XYLB: variants seen among roughly 807,000 people sequenced by gnomAD.
The protein encoded by XYLB is xylulose kinase.
In XYLB, 62 loss-of-function variants were observed where a neutral mutation model predicts 78.7. The ratio of observed to expected loss-of-function variants is 0.79; its 90% CI spans 0.64 to 0.97. The LOEUF is 0.97. Ranked by LOEUF, XYLB falls within the 50% of genes least tolerant of loss-of-function variation. XYLB has a pLI of 0.00. For missense variants in XYLB, 687 were observed against 676.8 expected (o/e 1.02, Z -0.17); for synonymous variants, 245 against 247.4 (o/e 0.99, Z 0.09).
At chr3:38,350,952 G>A (rs1705323539) in intron 2 of XYLB, among the ~76,000 whole-genome samples, 2 of 151,722 alleles carry the variant, frequency 1.3e-5, no homozygotes, top group Admixed American at 6.6e-5. Flanking sequence ...GACCAGCCTG[G>A]CCAACATGGT....
intron 18 of XYLB, among the ~76,000 whole-genome samples, chr3:38,411,193 T>G (rs1314139288): frequency 1.3e-5 from 2 of 152,142 alleles, no homozygotes; most frequent in African/African-American, 4.8e-5. Flanking sequence ...TGGAATACTA[T>G]GCAGCCATAA....
At chr3:38,403,966 T>C (rs559900351) in intron 18 of XYLB, among the ~76,000 whole-genome samples, 2 of 152,254 alleles carry the variant, frequency 1.3e-5, no homozygotes, top group African/African-American at 4.8e-5. Context: ...GTGACTTATA[T>C]GCAGACTGAA....
intron 18 of XYLB, among the ~76,000 whole-genome samples, chr3:38,410,634 A>T (rs1466157765): frequency 1.3e-5 from 2 of 152,232 alleles, no homozygotes; most frequent in Non-Finnish European, 2.9e-5. Flanking sequence ...CAATCTACTC[A>T]TCTGACAAAG....
intron 15 of XYLB, among the ~76,000 whole-genome samples, chr3:38,388,372 G>C (rs1559603131): frequency 6.6e-6 from 1 of 152,046 alleles, no homozygotes; most frequent in Non-Finnish European, 1.5e-5. Context: ...ATTGCCAAGA[G>C]ATTTTAGGTG....
chr3:38,346,983 G>T, intron 1 of XYLB, 58 bp downstream of exon 1: 2 of 1,362,790 alleles, frequency 1.5e-6, no homozygotes, highest in South Asian at 1.7e-5. Flanking sequence ...GTGGGGGTAG[G>T]GGGCGGGCTG....
intron 2 of XYLB, among the ~76,000 whole-genome samples, chr3:38,351,339 C>T (rs966748480): frequency 6.6e-6 from 1 of 151,864 alleles, no homozygotes; most frequent in Non-Finnish European, 1.5e-5. Context: ...CTCTCCCTCA[C>T]TCTCTCTTCC....
chr3:38,396,571 A>G (rs1272189346), intron 16 of XYLB, among the ~76,000 whole-genome samples: 2 of 152,152 alleles, frequency 1.3e-5, no homozygotes, highest in Non-Finnish European at 2.9e-5. Context: ...CTACTACAAT[A>G]TCTCTGGTCA....
At chr3:38,369,018 T>C (rs818836) in intron 8 of XYLB, among the ~76,000 whole-genome samples, 135,987 of 152,208 alleles carry the variant, frequency 0.89, 61,340 homozygotes, top group East Asian at 1. Flanking sequence ...CTGCAGGAAC[T>C]CTTGGATGAG....
chr3:38,384,822 G>A (rs1707310834), intron 15 of XYLB, among the ~76,000 whole-genome samples: 1 of 152,146 alleles, frequency 6.6e-6, no homozygotes, highest in South Asian at 2.1e-4. Flanking sequence ...ACACGTGTGT[G>A]TGTGTATATA....
At chr3:38,365,863 CTG>C (rs1398412242) in intron 6 of XYLB, 127 bp downstream of exon 6, 14 of 1,389,018 alleles carry the variant, frequency 1.0e-5, no homozygotes, top group Non-Finnish European at 1.2e-5. Context: ...AACAGGCACT[CTG>C]GCCCCTGGGT....
intron 18 of XYLB, among the ~76,000 whole-genome samples, chr3:38,401,209 A>G (rs930422742): frequency 7.9e-5 from 12 of 152,152 alleles, no homozygotes; most frequent in African/African-American, 2.9e-4. Context: ...ATTGCTGGGC[A>G]TATTTGTATT....
chr3:38,403,610 C>T (rs1167137449), intron 18 of XYLB, among the ~76,000 whole-genome samples: 1 of 152,166 alleles, frequency 6.6e-6, no homozygotes, highest in African/African-American at 2.4e-5. Flanking sequence ...CTATCCCTCC[C>T]CTATCCCACA....
At chr3:38,410,856 G>A (rs1449848274) in intron 18 of XYLB, among the ~76,000 whole-genome samples, 1 of 151,740 alleles carries the variant, frequency 6.6e-6, no homozygotes, top group African/African-American at 2.4e-5. Context: ...AGTTAGAATG[G>A]CAATCATTAA....
chr3:38,385,339 G>A (rs781274322), intron 15 of XYLB, among the ~76,000 whole-genome samples: 45 of 152,024 alleles, frequency 3.0e-4, no homozygotes, highest in Admixed American at 5.9e-4. Flanking sequence ...TCTTGTTTGT[G>A]TATTTTTTTT....
In XYLB at chr3:38,400,887, C is replaced by T; in HGVS notation, c.1439-4C>T. 1 of 1,613,558 alleles carries T rather than the reference C, an allele frequency of 6.2e-7. No homozygotes were observed. The highest frequency in any genetic ancestry group is 8.5e-7 in the Non-Finnish European group (1 of 1,179,790). On this transcript the variant is annotated splice_polypyrimidine_tract_variant and splice_region_variant and intron_variant, in intron 17 of 18. Transcript: ENST00000207870. ...ACTAATGTGAAGTGACCTTTCCCTT[C>T]TAGGTCTTGCAGGTGGAACAGATGT...
rs1708701799 is a variant in XYLB at position 38,413,929 on chromosome 3, T to G, written c.*916T>G. 6.6e-6 allele frequency: 1 copy of G among 152,258 alleles called. No individual in the cohort carries two copies. The highest frequency in any genetic ancestry group is 2.1e-4 in the South Asian group (1 of 4,838). The allele number at this position is 152,258 out of a possible 1,614,324, so 9.4% of individuals were successfully genotyped here. A position where few individuals can be genotyped will look rare whatever the true frequency, so the allele number is the denominator to read the frequency against. On this transcript the variant is annotated 3_prime_UTR_variant, in exon 19 of 19. Transcript: ENST00000207870. ...TTCTTTTTTATTTTGGAGTATTTCA[T>G]CAGCTGAAAAGTGATTCTCACTTTG...
intron 16 of XYLB, among the ~76,000 whole-genome samples, chr3:38,396,393 G>C (rs1255574207): frequency 6.6e-6 from 1 of 152,180 alleles, no homozygotes; most frequent in Non-Finnish European, 1.5e-5. Flanking sequence ...GGGGCCAACA[G>C]GCCACCCTGG....
intron 9 of XYLB, among the ~76,000 whole-genome samples, chr3:38,371,338 G>A (rs818830): frequency 0.89 from 135,286 of 151,378 alleles, 61,040 homozygotes; most frequent in East Asian, 1. Flanking sequence ...CAGTGGCGCA[G>A]TCTCGGCTCA....
the XYLB span, among the ~76,000 whole-genome samples, chr3:38,445,597 A>G: frequency 6.6e-6 from 1 of 152,228 alleles, no homozygotes; most frequent in African/African-American, 2.4e-5. Context: ...ACTCATGGCT[A>G]CATGGTCAAC....
Sources: gnomAD v4.1 joint callset for allele counts (sites outside exome capture counted in the v4.1 genomes callset) on GRCh38, gnomAD v4.1.1 for gene constraint, MANE v1.5 for transcripts, NCBI Gene and HGNC (gene_info 2026-07-23, HGNC 2026-07-21) for gene names.